DAB1: variants seen among roughly 807,000 people sequenced by gnomAD.
DAB1 encodes DAB adaptor protein 1, also known as disabled homolog 1.
A neutral mutation model predicts 64.6 loss-of-function variants in DAB1; 15 were observed. The observed-to-expected ratio is 0.23, with a 90% CI of 0.16 to 0.36. DAB1 has a LOEUF of 0.36. Ranked by LOEUF, DAB1 falls within the 10% of genes least tolerant of loss-of-function variation. The pLI is 1.00. For synonymous variants in DAB1, 235 were observed against 251.9 expected, an observed-to-expected ratio of 0.93 and a Z score of 0.64; for missense variants, 596 against 706.7, an observed-to-expected ratio of 0.84 and a Z score of 1.78.
chr1:57,149,738 T>C (rs1157448243), intron 2 of DAB1, among the ~76,000 whole-genome samples: 4 of 152,176 alleles, frequency 2.6e-5, no homozygotes, highest in Non-Finnish European at 5.9e-5. Flanking sequence ...GGAATCACTA[T>C]GGGGCTTCCT....
intron 6 of DAB1, among the ~76,000 whole-genome samples, chr1:57,715,767 A>G (rs1051058860): frequency 2.6e-5 from 4 of 152,136 alleles, no homozygotes; most frequent in Non-Finnish European, 5.9e-5. Flanking sequence ...CTATAAAATC[A>G]TGAAAAAAAA....
chr1:58,454,434 A>AGACGCTT (rs1439995596), intron 3 of DAB1, among the ~76,000 whole-genome samples: 1 of 152,166 alleles, frequency 6.6e-6, no homozygotes, highest in Non-Finnish European at 1.5e-5. Context: ...TCCTAGAGCC[A>AGACGCTT]GACGCTTGCA....
chr1:58,409,348 C>A (rs1442485360), intron 3 of DAB1, among the ~76,000 whole-genome samples: 1 of 152,022 alleles, frequency 6.6e-6, no homozygotes. Context: ...CACTTCTGCT[C>A]AAAAAAATAA....
chr1:57,400,941 G>A lies in DAB1; in HGVS notation c.-137+22989C>T, dbSNP rs565261914. On this transcript the variant is annotated intron_variant, in intron 1 of 14. Coordinates refer to ENST00000371236, the MANE Select transcript of DAB1 (RefSeq NM_001365792.1). ...GCTTTGCAGACCAGCTTTCCCAGAC[G>A]CCATGCAAAAACAGTCTCTAAACAC... Among the ~76,000 whole-genome samples, 15 of 149,430 alleles carry A rather than the reference G, an allele frequency of 1.0e-4. No individual in the cohort carries two copies. In the South Asian group the frequency reaches 2.3e-3, roughly 23 times the overall value.
chr1:57,887,182 C>T (rs972683771), upstream of DAB1, among the ~76,000 whole-genome samples: 3 of 152,176 alleles, frequency 2.0e-5, no homozygotes, highest in African/African-American at 7.2e-5. Context: ...CCAGGAATAG[C>T]TTCTTCCATT....
At chr1:57,003,052 C>T (rs1447017186) in intron 14 of DAB1, among the ~76,000 whole-genome samples, 3 of 152,126 alleles carry the variant, frequency 2.0e-5, no homozygotes, top group Non-Finnish European at 2.9e-5. Context: ...TTCAAATGGC[C>T]TCTCCTTCAT....
chr1:57,895,092 A>G (rs939187614), intron 5 of DAB1, among the ~76,000 whole-genome samples: 24 of 152,068 alleles, frequency 1.6e-4, no homozygotes, highest in African/African-American at 5.8e-4. Flanking sequence ...AAAAAAAAAA[A>G]GTAGATAGTG....
chr1:58,135,172 A>G (rs144861081), intron 5 of DAB1, among the ~76,000 whole-genome samples: 94 of 152,338 alleles, frequency 6.2e-4, no homozygotes, highest in Middle Eastern at 3.4e-3. Context: ...GAAAACTTAG[A>G]AGCTTGTCAG....
At chr1:58,419,581 A>G (rs1414839181) in intron 3 of DAB1, among the ~76,000 whole-genome samples, 1 of 152,054 alleles carries the variant, frequency 6.6e-6, no homozygotes, top group African/African-American at 2.4e-5. Context: ...CTCCTCTCAC[A>G]TCTCTCTCTG....
intron 7 of DAB1, among the ~76,000 whole-genome samples, chr1:57,535,530 C>A (rs987330094): frequency 3.5e-5 from 5 of 142,706 alleles, no homozygotes; most frequent in African/African-American, 1.3e-4. Context: ...ACTGCTGTGG[C>A]GTGATCTTAG....
chr1:57,607,273 T>G (rs1645668673), intron 7 of DAB1, among the ~76,000 whole-genome samples: 1 of 152,200 alleles, frequency 6.6e-6, no homozygotes, highest in East Asian at 1.9e-4. Flanking sequence ...CCAAAAGGTT[T>G]AAAAGTTACT....
intron 4 of DAB1, among the ~76,000 whole-genome samples, chr1:58,157,371 T>C (rs1557675448): frequency 6.6e-6 from 1 of 152,128 alleles, no homozygotes; most frequent in Non-Finnish European, 1.5e-5. Context: ...CCAGCCTGTG[T>C]GATAACATTA....
At chr1:58,190,016 G>GGTA in intron 4 of DAB1, among the ~76,000 whole-genome samples, 1 of 152,168 alleles carries the variant, frequency 6.6e-6, no homozygotes. Context: ...TCCACAGTAA[G>GGTA]GTAGTAGTAT....
At chr1:57,664,506 C>T (rs1405213919) in intron 6 of DAB1, among the ~76,000 whole-genome samples, 1 of 152,072 alleles carries the variant, frequency 6.6e-6, no homozygotes, top group African/African-American at 2.4e-5. Context: ...TTTATGTCAA[C>T]ATAAACCCAA....
chr1:57,321,720 T>C (rs913507944), intron 1 of DAB1, among the ~76,000 whole-genome samples: 1 of 152,172 alleles, frequency 6.6e-6, no homozygotes, highest in Non-Finnish European at 1.5e-5. Context: ...AGCTCTCACT[T>C]CCATTATGGC....
chr1:57,584,777 G>A (rs564309151), intron 7 of DAB1, among the ~76,000 whole-genome samples: 1 of 152,262 alleles, frequency 6.6e-6, no homozygotes, highest in East Asian at 1.9e-4. Context: ...TTTCTGTGTT[G>A]TTAGGTCCCC....
chr1:57,930,384 A>G (rs1410410581), intron 5 of DAB1, among the ~76,000 whole-genome samples: 4 of 152,182 alleles, frequency 2.6e-5, no homozygotes, highest in Non-Finnish European at 5.9e-5. Flanking sequence ...CACCATATAA[A>G]TGTTAGAATT....
intron 4 of DAB1, among the ~76,000 whole-genome samples, chr1:58,248,210 C>T (rs928260241): frequency 1.3e-5 from 2 of 152,162 alleles, no homozygotes; most frequent in African/African-American, 4.8e-5. Flanking sequence ...AGTCTTCCAG[C>T]TGGGAAATCC....
intron 5 of DAB1, among the ~76,000 whole-genome samples, chr1:57,980,976 T>C (rs977770150): frequency 6.6e-6 from 1 of 151,650 alleles, no homozygotes; most frequent in South Asian, 2.1e-4. Context: ...TATAAAGAGA[T>C]AGATACATAC....
Sources: gnomAD v4.1 joint callset for allele counts (sites outside exome capture counted in the v4.1 genomes callset) on GRCh38, gnomAD v4.1.1 for gene constraint, MANE v1.5 for transcripts, NCBI Gene and HGNC (gene_info 2026-07-23, HGNC 2026-07-21) for gene names.